WDFY3: variants seen among roughly 807,000 people sequenced by gnomAD.
WDFY3 encodes WD repeat and FYVE domain containing 3.
A neutral mutation model predicts 409.6 loss-of-function variants in WDFY3; 66 were observed. The observed-to-expected ratio is 0.16, with a 90% CI of 0.13 to 0.20. The LOEUF (loss-of-function observed/expected upper bound fraction) is 0.20, where lower values mean the gene tolerates loss of function less well. Ranked by LOEUF, WDFY3 falls within the 10% of genes least tolerant of loss-of-function variation. WDFY3 has a pLI of 1.00. For missense variants in WDFY3, 3,031 were observed against 4,298.1 expected, an observed-to-expected ratio of 0.71 and a Z score of 8.24; for synonymous variants, 1,521 against 1,537.1, an observed-to-expected ratio of 0.99 and a Z score of 0.25.
At chr4:84,705,604 T>G in intron 53 of WDFY3, 93 bp from the exon 54 acceptor site, 1 of 1,001,672 alleles carries the variant, frequency 1.0e-6, no homozygotes, top group Non-Finnish European at 1.6e-6. Flanking sequence ...GATGATGATT[T>G]ATAAACGCAC....
chr4:84,813,741 A>G (rs893406568), intron 13 of WDFY3, among the ~76,000 whole-genome samples: 3 of 152,166 alleles, frequency 2.0e-5, no homozygotes, highest in Non-Finnish European at 4.4e-5. Flanking sequence ...AAAAAATCCA[A>G]TTAATAAGGT....
chr4:84,910,644 C>T, intron 2 of WDFY3, among the ~76,000 whole-genome samples: 1 of 151,874 alleles, frequency 6.6e-6, no homozygotes, highest in African/African-American at 2.4e-5. Flanking sequence ...GGTCATAGAC[C>T]TAAATTTAAG....
Position 84,850,926 on chromosome 4 carries a change from C to CTTTTTTTTTTTTTTTTTTTT in WDFY3, c.181-902_181-901insAAAAAAAAAAAAAAAAAAAA, listed in dbSNP as rs781440189. On this transcript the variant is annotated intron_variant, in intron 4 of 67. Transcript: ENST00000295888. ...AATTCTTATTTTTAATTTTATTTAT[C>CTTTTTTTTTTTTTTTTTTTT]TGTTTTTTTTTTTTTTTTTTTTTTT... is the stretch of plus-strand genomic sequence containing the variant. Among the ~76,000 whole-genome samples the CTTTTTTTTTTTTTTTTTTTT allele has an allele frequency of 1.5e-3, 49 of 32,152 alleles. 6 individuals carry two copies. The highest frequency in any genetic ancestry group is 2.8e-3 in the South Asian group (2 of 722). 21.1% of individuals were successfully genotyped at this position (32,152 alleles called of 152,430 possible).
intron 8 of WDFY3, among the ~76,000 whole-genome samples, chr4:84,831,108 C>T (rs1428075127): frequency 1.3e-5 from 2 of 151,266 alleles, no homozygotes; most frequent in South Asian, 2.1e-4. Context: ...ACTGCTTGAA[C>T]CCGGGAGGAT....
chr4:84,781,294 G>A (rs1204862849), intron 25 of WDFY3, among the ~76,000 whole-genome samples: 1 of 151,038 alleles, frequency 6.6e-6, no homozygotes, highest in African/African-American at 2.4e-5. Flanking sequence ...CTTGCCTGCT[G>A]ACCAAGACTG....
chr4:84,732,459 G>A (rs1307291677), intron 44 of WDFY3, among the ~76,000 whole-genome samples: 2 of 152,096 alleles, frequency 1.3e-5, no homozygotes, highest in Non-Finnish European at 2.9e-5. Context: ...TAGTCACTAT[G>A]GAATGTAATA....
chr4:84,802,732 T>C (rs1272536179), intron 16 of WDFY3, among the ~76,000 whole-genome samples: 3 of 152,224 alleles, frequency 2.0e-5, no homozygotes, highest in Non-Finnish European at 4.4e-5. Flanking sequence ...CCAAGCCTTT[T>C]GTATTACATG....
chr4:84,755,280 T>C lies in WDFY3; in HGVS notation c.5545A>G (p.Ser1849Gly), dbSNP rs116763383. Residue 1849 changes from serine to glycine, a missense_variant, in exon 34 of 68, where the codon AGC becomes GGC. By Grantham distance (56) the Ser-to-Gly change is moderately conservative. Transcript: ENST00000295888. ...AGTGAACTTACTGAAGTCAGCATGC[T>C]GCGGAGCATTCCCAATAATAAAAAA... ...AVFLLLGMLR[S>G]MLTSPWQSEE... 2,470 of 1,613,178 alleles carry C rather than the reference T, an allele frequency of 1.5e-3. 4 individuals carry two copies. The highest frequency in any genetic ancestry group is 1.8e-3 in the Non-Finnish European group (2,176 of 1,179,730).
intron 2 of WDFY3, among the ~76,000 whole-genome samples, chr4:84,913,114 C>T (rs185519616): frequency 2.0e-5 from 3 of 152,250 alleles, no homozygotes; most frequent in Admixed American, 6.5e-5. Flanking sequence ...GAGTTCAACA[C>T]CTATGCATTG....
In WDFY3 at chr4:84,702,389, G is replaced by A; in HGVS notation, c.8560C>T (p.Pro2854Ser). Residue 2854 changes from proline to serine, a missense_variant, in exon 56 of 68, where the codon CCA becomes TCA. By Grantham distance (74) the Pro-to-Ser change is moderately conservative. Around this residue, in one of 16 missense-constraint regions of WDFY3, gnomAD observed 129 missense variants for 305.3 expected, o/e 0.42. Coordinates refer to ENST00000295888, the MANE Select transcript of WDFY3 (RefSeq NM_014991.6). ...TTGTTGGAATTGAACAGGAATTCTG[G>A]TAAATAAAAGAACTCTGGGATAAGT... ...KELIPEFFYLPEFLFNSNNFD... is the reference protein window; with the variant it reads ...KELIPEFFYLSEFLFNSNNFD... 1 of 1,612,730 alleles carries A rather than the reference G, an allele frequency of 6.2e-7. No homozygotes were observed. Among genetic ancestry groups the A allele is most frequent in the Non-Finnish European group, 8.5e-7 (1 of 1,179,608 alleles).
At chr4:84,827,079 G>T in intron 9 of WDFY3, 98 bp from the exon 10 acceptor site, 1 of 1,290,698 alleles carries the variant, frequency 7.7e-7, no homozygotes, top group Non-Finnish European at 1.1e-6. Context: ...GTAAATAAAT[G>T]TATAAAGTAC....
chr4:84,738,381 C>T (rs547471370), intron 40 of WDFY3, among the ~76,000 whole-genome samples: 1 of 152,022 alleles, frequency 6.6e-6, no homozygotes, highest in East Asian at 1.9e-4. Flanking sequence ...TGGATCACTT[C>T]AGGTCAGGAG....
At chr4:84,904,328 C>A (rs1178967505) in intron 2 of WDFY3, among the ~76,000 whole-genome samples, 1 of 152,068 alleles carries the variant, frequency 6.6e-6, no homozygotes, top group Non-Finnish European at 1.5e-5. Context: ...GCAACCTCCA[C>A]CTCCTGGGTT....
intron 2 of WDFY3, among the ~76,000 whole-genome samples, chr4:84,928,690 A>G (rs1036247018): frequency 1.3e-5 from 2 of 152,188 alleles, no homozygotes; most frequent in African/African-American, 4.8e-5. Flanking sequence ...ATAATACCTT[A>G]GTTGTTGAAA....
chr4:84,723,583 T>A (rs909068280), intron 46 of WDFY3, among the ~76,000 whole-genome samples: 1 of 152,170 alleles, frequency 6.6e-6, no homozygotes, highest in Non-Finnish European at 1.5e-5. Flanking sequence ...ACTGATTGAA[T>A]CCTCATTCTG....
At chr4:84,722,835 G>A (rs1735059929) in intron 46 of WDFY3, among the ~76,000 whole-genome samples, 1 of 152,150 alleles carries the variant, frequency 6.6e-6, no homozygotes, top group South Asian at 2.1e-4. Flanking sequence ...CTTATCAGAG[G>A]TTCTGCTTTG....
chr4:84,925,975 T>A (rs1769928064), intron 2 of WDFY3, among the ~76,000 whole-genome samples: 2 of 151,518 alleles, frequency 1.3e-5, no homozygotes, highest in African/African-American at 4.8e-5. Flanking sequence ...AAACTGGGTT[T>A]AAAAAGGTAA....
chr4:84,918,569 T>A (rs1442505700), intron 2 of WDFY3, among the ~76,000 whole-genome samples: 8 of 152,176 alleles, frequency 5.3e-5, no homozygotes, highest in African/African-American at 1.9e-4. Context: ...CAGGGTAGCA[T>A]GTTGTTTTTG....
intron 26 of WDFY3, 77 bp from the exon 27 acceptor site, chr4:84,778,732 C>A: frequency 7.4e-7 from 1 of 1,351,886 alleles, no homozygotes; most frequent in Non-Finnish European, 1.0e-6. Flanking sequence ...CACACACATA[C>A]ACACACAAAC....
Sources: allele counts gnomAD v4.1 joint callset (sites outside exome capture counted in the v4.1 genomes callset), GRCh38; gene constraint gnomAD v4.1.1; regional missense constraint gnomAD v4.1.1; transcripts MANE v1.5; gene names NCBI Gene and HGNC (gene_info 2026-07-23, HGNC 2026-07-21).